TMPRSS9: variants seen among roughly 807,000 people sequenced by gnomAD.
TMPRSS9 encodes transmembrane serine protease 9, also known as transmembrane protease serine 9.
TMPRSS9 carries 113 observed loss-of-function variants against 111.4 expected under a neutral mutation model. The observed-to-expected ratio is 1.01, with a 90% CI of 0.87 to 1.19. The LOEUF (loss-of-function observed/expected upper bound fraction) is 1.19, where lower values mean the gene tolerates loss of function less well. TMPRSS9 is among the 50% of genes most tolerant of loss of function. The probability of loss-of-function intolerance (pLI) is 0.00; values close to 1 mark genes in which losing one functional copy is unlikely to be tolerated. For missense variants in TMPRSS9, 1,803 were observed against 1,513.1 expected (o/e 1.19, Z -3.18); for synonymous variants, 805 against 659.1 (o/e 1.22, Z -3.39).
chr19:2,399,245 C>T (rs1599293978), intron 4 of TMPRSS9, 52 bp downstream of exon 5: 4 of 1,521,024 alleles, frequency 2.6e-6, no homozygotes, highest in Non-Finnish European at 2.6e-6. Context: ...TGGAGTGGGG[C>T]AGGAGCTGCA....
At chr19:2,364,767 T>C (rs1321891376) in intron 1 of TMPRSS9, among the ~76,000 whole-genome samples, 1 of 151,562 alleles carries the variant, frequency 6.6e-6, no homozygotes. Context: ...GGGCCGATCA[T>C]GAGGTCAGGA....
Position 2,425,001 on chromosome 19 carries a change from G to A in TMPRSS9, c.2718-1G>A. ...GACGCCTGTCCTCGCGCGCCCCGCA[G>A]CTACGGGGACCCCAAGCAGTGGGCG... On this transcript the variant is annotated splice_acceptor_variant, in intron 15 of 17. Transcript: ENST00000648592. LOFTEE classifies it high-confidence loss of function. The A allele has an allele frequency of 6.6e-7, 1 of 1,523,564 alleles. No homozygotes were observed. The highest frequency in any genetic ancestry group is 1.2e-5 in the South Asian group (1 of 83,218). 94.4% of individuals were successfully genotyped at this position (1,523,564 alleles called of 1,614,324 possible). A position where few individuals can be genotyped will look rare whatever the true frequency, so the allele number is the denominator to read the frequency against.
intron 2 of TMPRSS9, among the ~76,000 whole-genome samples, chr19:2,398,170 C>T (rs1970748769): frequency 6.6e-6 from 1 of 150,798 alleles, no homozygotes; most frequent in South Asian, 2.1e-4. Context: ...GTGGTGTGTG[C>T]CTGTAATCCC....
rs1218275726 is a variant in TMPRSS9, at chr19:2,400,390, A to T, written c.514+1197A>T. On this transcript the variant is annotated intron_variant, in intron 4 of 17. Transcript: ENST00000648592. ...AACCCCGTCTCTACTAAAAATACAAAAATGAGCTGGGTGTGGTGGCACGTG... is the reference window on the plus strand; with the variant it reads ...AACCCCGTCTCTACTAAAAATACAATAATGAGCTGGGTGTGGTGGCACGTG... 2.6e-5 allele frequency among the ~76,000 whole-genome samples: 4 copies of T among 151,928 alleles called. 1 individual carries two copies. The highest frequency in any genetic ancestry group is 1.3e-4 in the Admixed American group (2 of 15,230).
chr19:2,417,598 TG>T (rs1971277209), intron 12 of TMPRSS9, among the ~76,000 whole-genome samples: 1 of 151,184 alleles, frequency 6.6e-6, no homozygotes, highest in African/African-American at 2.4e-5. Context: ...CAGTGAGCCA[TG>T]ATCATGCCAC....
At chr19:2,398,645 A>G in intron 2 of TMPRSS9, 150 bp from the exon 4 acceptor site, 2 of 393,658 alleles carry the variant, frequency 5.1e-6, no homozygotes, top group Non-Finnish European at 9.3e-6. Flanking sequence ...ACATACGTAC[A>G]TATAGATAAA....
chr19:2,400,838 G>A (rs1970821429), intron 4 of TMPRSS9, among the ~76,000 whole-genome samples: 3 of 151,594 alleles, frequency 2.0e-5, no homozygotes, highest in African/African-American at 7.3e-5. Context: ...GCCGGGCATG[G>A]TGGCGGGCGC....
chr19:2,368,801 TA>T (rs869203147), intron 1 of TMPRSS9, among the ~76,000 whole-genome samples: 5,233 of 127,296 alleles, frequency 0.041, 1,071 homozygotes, highest in African/African-American at 0.18. Context: ...TTTTTTTTTT[TA>T]AAGACAGAGT....
intron 9 of TMPRSS9, among the ~76,000 whole-genome samples, chr19:2,412,164 C>G (rs891911727): frequency 9.9e-5 from 15 of 152,156 alleles, no homozygotes; most frequent in African/African-American, 3.6e-4. Flanking sequence ...GAGGCTGAGG[C>G]AGCCAGGTCG....
chr19:2,421,056 A>C (rs1971452423), intron 13 of TMPRSS9, among the ~76,000 whole-genome samples: 1 of 151,756 alleles, frequency 6.6e-6, no homozygotes, highest in Non-Finnish European at 1.5e-5. Context: ...AAATACAAAA[A>C]TTAGCCGGGC....
intron 17 of TMPRSS9, 178 bp downstream of exon 18, chr19:2,425,671 C>T (rs1339871803): frequency 2.4e-6 from 3 of 1,275,092 alleles, no homozygotes; most frequent in Admixed American, 3.3e-5. Flanking sequence ...GTTTATTGGG[C>T]AACCCACCGC....
At chr19:2,396,368 C>G (rs1970705822) in intron 1 of TMPRSS9, 171 bp from the exon 3 acceptor site, 1 of 704,744 alleles carries the variant, frequency 1.4e-6, no homozygotes, top group Admixed American at 3.5e-5. Flanking sequence ...TGAGGGAGAG[C>G]CCTGTGAGTA....
intron 12 of TMPRSS9, among the ~76,000 whole-genome samples, chr19:2,417,468 A>G (rs1357625767): frequency 1.4e-5 from 1 of 70,338 alleles, no homozygotes; most frequent in Non-Finnish European, 3.0e-5. Context: ...TCCCATCTCA[A>G]AAAAAAAAAA....
intron 7 of TMPRSS9, among the ~76,000 whole-genome samples, chr19:2,407,323 A>G (rs1599301063): frequency 6.6e-6 from 1 of 150,434 alleles, no homozygotes; most frequent in African/African-American, 2.4e-5. Context: ...GGAGTTTGAG[A>G]CCAGCCTGGC....
At position 2,396,657 on chromosome 19, in the gene TMPRSS9, G is replaced by A. The variant is rs771411690; in HGVS notation, c.261G>A (p.Leu87=). The change falls in exon 2 of 18, where the codon CTG becomes CTA. Residue 87 remains leucine (L), a synonymous_variant. Transcript: ENST00000648592. ...ATCACCGCACGCTGACGCCCACCCTGGAGGCACTGGTGAGGGTGGTCTGTG... is the reference window on the plus strand; with the variant it reads ...ATCACCGCACGCTGACGCCCACCCTAGAGGCACTGGTGAGGGTGGTCTGTG... 16 of 1,608,650 alleles carry A rather than the reference G, an allele frequency of 9.9e-6. No homozygotes were observed. In the Admixed American group the frequency reaches 2.4e-4, roughly 24 times the overall value.
At chr19:2,391,740 CTTTTTTT>C (rs111240493) in intron 1 of TMPRSS9, among the ~76,000 whole-genome samples, 1 of 132,966 alleles carries the variant, frequency 7.5e-6, no homozygotes, top group Non-Finnish European at 1.6e-5. Context: ...GAAAGGAAGT[CTTTTTTT>C]TTTTTTTTGA....
chr19:2,371,725 AC>A (rs11337757), intron 1 of TMPRSS9, among the ~76,000 whole-genome samples: 15,849 of 134,226 alleles, frequency 0.12, 1,640 homozygotes, highest in African/African-American at 0.31. Context: ...AAAAAAAAAA[AC>A]AAAACTAGAA....
At chr19:2,413,981 C>A in exon 10 of TMPRSS9, 1 of 1,606,928 alleles carries the variant, frequency 6.2e-7, no homozygotes, top group East Asian at 2.2e-5. Flanking sequence ...CCCTCAGTAC[C>A]GTGCCTCTTG....
chr19:2,399,417 A>G (rs2145315581), intron 4 of TMPRSS9, among the ~76,000 whole-genome samples: 1 of 152,200 alleles, frequency 6.6e-6, no homozygotes, highest in African/African-American at 2.4e-5. Context: ...CTGTACTAAA[A>G]ATACAAAAAT....
Sources: gnomAD v4.1 joint callset for allele counts (sites outside exome capture counted in the v4.1 genomes callset) on GRCh38, gnomAD v4.1.1 for gene constraint, MANE v1.5 for transcripts, NCBI Gene and HGNC (gene_info 2026-07-23, HGNC 2026-07-21) for gene names.